The following GRIA4 variants were observed in gnomAD, a reference collection of about 807,000 sequenced individuals.
The protein encoded by GRIA4 is glutamate receptor 4.
GRIA4 carries 34 observed loss-of-function variants against 104.0 expected under a neutral mutation model. That is an observed-to-expected ratio of 0.33 (90% confidence interval 0.25 to 0.44). GRIA4 has a LOEUF of 0.44. Among genes scored for constraint, GRIA4 ranks in the 20% least tolerant of loss-of-function variants. The probability of loss-of-function intolerance (pLI) is 1.00; values close to 1 mark genes in which losing one functional copy is unlikely to be tolerated. For missense variants in GRIA4, 750 were observed against 1,096.5 expected, an observed-to-expected ratio of 0.68 and a Z score of 4.46; for synonymous variants, 386 against 381.9, an observed-to-expected ratio of 1.01 and a Z score of -0.13.
chr11:105,796,532 C>T (rs1942485479), intron 4 of GRIA4, among the ~76,000 whole-genome samples: 2 of 152,156 alleles, frequency 1.3e-5, no homozygotes, highest in Non-Finnish European at 2.9e-5. Context: ...TACCCTCAAT[C>T]AGTCCCCTTT....
intron 16 of GRIA4, among the ~76,000 whole-genome samples, chr11:105,978,365 G>T (rs1278586314): frequency 1.3e-5 from 2 of 151,912 alleles, no homozygotes. Flanking sequence ...CATATCCTGA[G>T]TTCTGATTAT....
At chr11:105,709,803 G>C (rs959215793) in intron 3 of GRIA4, among the ~76,000 whole-genome samples, 7 of 152,100 alleles carry the variant, frequency 4.6e-5, no homozygotes, top group African/African-American at 1.7e-4. Flanking sequence ...AGGAAGATGT[G>C]GAGGCAGTAC....
At chr11:105,812,079 C>T (rs1324343912) in intron 4 of GRIA4, among the ~76,000 whole-genome samples, 1 of 152,220 alleles carries the variant, frequency 6.6e-6, no homozygotes, top group Non-Finnish European at 1.5e-5. Context: ...GAAAAGAAAA[C>T]AGACAAAGCA....
At chr11:105,835,740 G>C (rs1944155589) in intron 4 of GRIA4, among the ~76,000 whole-genome samples, 2 of 152,002 alleles carry the variant, frequency 1.3e-5, no homozygotes, top group South Asian at 4.1e-4. Flanking sequence ...TTTTGAAAAA[G>C]CAGAGAAACC....
chr11:105,862,866 T>C (rs190008182), intron 5 of GRIA4, among the ~76,000 whole-genome samples: 44 of 152,284 alleles, frequency 2.9e-4, no homozygotes, highest in African/African-American at 1.0e-3. Context: ...TATTAAATGA[T>C]AGGAAAATAT....
chr11:105,691,662 C>T (rs1327558736), intron 3 of GRIA4, among the ~76,000 whole-genome samples: 1 of 152,018 alleles, frequency 6.6e-6, no homozygotes, highest in Non-Finnish European at 1.5e-5. Flanking sequence ...TGTGGCCAGG[C>T]GCAGTGGTTC....
At chr11:105,748,610 C>T (rs995364807) in intron 3 of GRIA4, among the ~76,000 whole-genome samples, 11 of 152,070 alleles carry the variant, frequency 7.2e-5, no homozygotes, top group African/African-American at 2.4e-4. Flanking sequence ...GTCTCAACCT[C>T]CTGATCTCGT....
chr11:105,684,046 G>T (rs1952793300), intron 3 of GRIA4, among the ~76,000 whole-genome samples: 1 of 151,862 alleles, frequency 6.6e-6, no homozygotes, highest in Non-Finnish European at 1.5e-5. Flanking sequence ...GGCTAATTTT[G>T]TATTTTTAGT....
intron 4 of GRIA4, among the ~76,000 whole-genome samples, chr11:105,858,716 T>C (rs900724192): frequency 6.6e-6 from 1 of 152,144 alleles, no homozygotes; most frequent in Non-Finnish European, 1.5e-5. Flanking sequence ...ATAAGTTCAG[T>C]TGTTTTAACT....
At chr11:105,979,382 G>C (rs978411094) in intron 16 of GRIA4, among the ~76,000 whole-genome samples, 193 bp from the exon 17 acceptor site, 1 of 152,196 alleles carries the variant, frequency 6.6e-6, no homozygotes, top group African/African-American at 2.4e-5. Flanking sequence ...ACAAACTCTA[G>C]ACAGATTCAT....
chr11:105,739,754 T>G, intron 3 of GRIA4, among the ~76,000 whole-genome samples: 1 of 152,146 alleles, frequency 6.6e-6, no homozygotes, highest in Non-Finnish European at 1.5e-5. Context: ...AAAAGGAATT[T>G]CTTGCCTGAC....
intron 10 of GRIA4, among the ~76,000 whole-genome samples, chr11:105,917,815 G>GGT (rs147308478): frequency 0.11 from 15,605 of 142,582 alleles, 1,274 homozygotes; most frequent in African/African-American, 0.25. Context: ...TTGGTTTAAG[G>GGT]GTGTGTGTGT....
chr11:105,789,208 C>A (rs1942109145), intron 4 of GRIA4, among the ~76,000 whole-genome samples: 4 of 151,994 alleles, frequency 2.6e-5, no homozygotes, highest in Admixed American at 2.6e-4. Context: ...GCAAAAACAA[C>A]TTAAGATGTT....
intron 10 of GRIA4, chr11:105,912,775 A>G: frequency 2.0e-6 from 2 of 981,912 alleles, no homozygotes; most frequent in Non-Finnish European, 2.4e-6. Flanking sequence ...TTTTGTTGAA[A>G]ACGGTAGTCC....
intron 3 of GRIA4, among the ~76,000 whole-genome samples, chr11:105,639,935 T>G (rs1035222056): frequency 1.3e-5 from 2 of 151,970 alleles, no homozygotes; most frequent in African/African-American, 4.8e-5. Context: ...AAAATGACAA[T>G]GAATACATGT....
At chr11:105,751,987 A>G (rs769164720) in intron 3 of GRIA4, among the ~76,000 whole-genome samples, 18 of 152,362 alleles carry the variant, frequency 1.2e-4, no homozygotes, top group Non-Finnish European at 2.4e-4. Context: ...ATGATAAACC[A>G]TAAGAATTTG....
intron 3 of GRIA4, among the ~76,000 whole-genome samples, chr11:105,623,330 T>C (rs1474537476): frequency 2.0e-5 from 3 of 151,984 alleles, no homozygotes; most frequent in Non-Finnish European, 4.4e-5. Context: ...AATAATTTCA[T>C]AATTAATTTC....
chr11:105,689,345 G>A (rs1039004671), intron 3 of GRIA4, among the ~76,000 whole-genome samples: 86 of 152,278 alleles, frequency 5.6e-4, no homozygotes, highest in Non-Finnish European at 1.2e-4. Context: ...CCTGTTCTCC[G>A]ATGACAAAAT....
intron 3 of GRIA4, among the ~76,000 whole-genome samples, chr11:105,629,072 C>A: frequency 1.6e-5 from 1 of 61,824 alleles, no homozygotes; most frequent in Non-Finnish European, 3.4e-5. Flanking sequence ...GAAACCACTT[C>A]TCCACCAAAA....
Sources: allele counts gnomAD v4.1 joint callset (sites outside exome capture counted in the v4.1 genomes callset), GRCh38; gene constraint gnomAD v4.1.1; transcripts MANE v1.5; gene names NCBI Gene and HGNC (gene_info 2026-07-23, HGNC 2026-07-21).